ZFHX3: variants seen among roughly 807,000 people sequenced by gnomAD.
ZFHX3 encodes the protein zinc finger homeobox 3.
A neutral mutation model predicts 279.1 loss-of-function variants in ZFHX3; 42 were observed. That is an observed-to-expected ratio of 0.15 (90% CI 0.12 to 0.19). The LOEUF (loss-of-function observed/expected upper bound fraction) is 0.19. Among genes scored for constraint, ZFHX3 ranks in the 10% least tolerant of loss-of-function variants. ZFHX3 has a pLI of 1.00. For synonymous variants in ZFHX3, 2,293 were observed against 1,957.8 expected (o/e 1.17, Z -4.52); for missense variants, 4,981 against 4,754.0 (o/e 1.05, Z -1.40).
intron 2 of ZFHX3, among the ~76,000 whole-genome samples, chr16:73,641,321 G>A (rs1298167449): frequency 2.0e-5 from 3 of 152,080 alleles, no homozygotes; most frequent in South Asian, 2.1e-4. Context: ...TCAAGGTGAC[G>A]ACAAAGGAGT....
chr16:73,653,795 T>G (rs2052694621), intron 2 of ZFHX3, among the ~76,000 whole-genome samples: 1 of 150,790 alleles, frequency 6.6e-6, no homozygotes, highest in African/African-American at 2.5e-5. Context: ...TTGTAAAACA[T>G]TTAGTGATAA....
intron 7 of ZFHX3, among the ~76,000 whole-genome samples, chr16:73,117,881 A>G (rs1254993780): frequency 6.6e-6 from 1 of 152,220 alleles, no homozygotes; most frequent in Non-Finnish European, 1.5e-5. Context: ...ATGAACCAGG[A>G]AGTGAGCCCT....
intron 3 of ZFHX3, among the ~76,000 whole-genome samples, chr16:73,329,313 C>G (rs907304721): frequency 6.6e-6 from 1 of 152,174 alleles, no homozygotes; most frequent in Non-Finnish European, 1.5e-5. Context: ...AGGCAGTGGG[C>G]GGTGTTGAGG....
At chr16:72,997,491 C>T (rs1963340483) in intron 1 of ZFHX3, among the ~76,000 whole-genome samples, 1 of 152,200 alleles carries the variant, frequency 6.6e-6, no homozygotes, top group African/African-American at 2.4e-5. Context: ...ACTCAGTCTT[C>T]TCGCTACACA....
At chr16:72,790,744 T>C (rs1015252151) in intron 9 of ZFHX3, 1 of 151,892 alleles carries the variant, frequency 6.6e-6, no homozygotes, top group African/African-American at 2.4e-5. Context: ...CAAGACAGAG[T>C]AGATTATGAG....
intron 3 of ZFHX3, among the ~76,000 whole-genome samples, chr16:72,945,169 A>G (rs117409886): frequency 0.014 from 2,116 of 152,318 alleles, 24 homozygotes; most frequent in Non-Finnish European, 0.02. Flanking sequence ...ATAGGTGGGA[A>G]GCTTCTGGAA....
chr16:73,345,878 C>G (rs542352684), intron 3 of ZFHX3, among the ~76,000 whole-genome samples: 44 of 152,200 alleles, frequency 2.9e-4, no homozygotes, highest in Admixed American at 1.3e-4. Flanking sequence ...GCCCTGCTTC[C>G]CTAGGGCACA....
chr16:73,617,005 G>A (rs1452292820), intron 2 of ZFHX3, among the ~76,000 whole-genome samples: 1 of 152,184 alleles, frequency 6.6e-6, no homozygotes, highest in African/African-American at 2.4e-5. Context: ...TTTAAAAGAA[G>A]CCAAGCACTC....
chr16:73,076,254 T>C (rs1180164121), intron 8 of ZFHX3, among the ~76,000 whole-genome samples: 1 of 152,148 alleles, frequency 6.6e-6, no homozygotes, highest in Admixed American at 6.6e-5. Flanking sequence ...GATCAAGTGA[T>C]TGTAAAAGTA....
chr16:73,784,158 G>C (rs1284494498), intron 1 of ZFHX3, among the ~76,000 whole-genome samples: 1 of 152,086 alleles, frequency 6.6e-6, no homozygotes, highest in Non-Finnish European at 1.5e-5. Context: ...TAAGCATTTG[G>C]GCTGTGGAAT....
Position 72,785,609 on chromosome 16 carries a change from C to T in ZFHX3, c.*1555G>A, listed in dbSNP as rs1465411537. The T allele has an allele frequency of 2.0e-5, 3 of 152,392 alleles. No individual in the cohort carries two copies. The highest frequency in any genetic ancestry group is 2.9e-5 in the Non-Finnish European group (2 of 68,012). The allele number at this position is 152,392 out of a possible 1,614,324, so 9.4% of individuals were successfully genotyped here. ...CTGCATCAGCAGTGAAAGGGTGTGT[C>T]TTTGGATTTTATTTAAAGCATGAAA... On this transcript the variant is annotated 3_prime_UTR_variant, in exon 10 of 10. Coordinates refer to ENST00000268489, the MANE Select transcript of ZFHX3 (RefSeq NM_006885.4).
At chr16:73,641,041 C>A (rs2142156124) in intron 2 of ZFHX3, among the ~76,000 whole-genome samples, 1 of 152,214 alleles carries the variant, frequency 6.6e-6, no homozygotes, top group African/African-American at 2.4e-5. Flanking sequence ...CAGGGAAGTA[C>A]CTTAAACAAT....
At chr16:73,759,845 G>A (rs1368952193) in intron 1 of ZFHX3, among the ~76,000 whole-genome samples, 1 of 149,984 alleles carries the variant, frequency 6.7e-6, no homozygotes, top group Non-Finnish European at 1.5e-5. Context: ...GCTTACCAGA[G>A]CTAACTGATA....
intron 3 of ZFHX3, among the ~76,000 whole-genome samples, chr16:73,347,645 C>A (rs768049286): frequency 1.3e-5 from 2 of 152,056 alleles, no homozygotes; most frequent in East Asian, 3.9e-4. Context: ...AACACATTTG[C>A]GCTGAGAACT....
rs528081640 is a variant in ZFHX3, at chr16:73,337,750, A to G, written c.-1290-19414T>C. On this transcript the variant is annotated intron_variant, in intron 3 of 17. Transcript: ENST00000641206. ...TTTCTAGGTCCCCACTGTACTGGTC[A>G]CACCCTGGACCTTGTCATCACCAGC... is the stretch of plus-strand genomic sequence containing the variant. Among the ~76,000 whole-genome samples the G allele has an allele frequency of 2.2e-4, 34 of 151,888 alleles. No homozygotes were observed. The East Asian group carries it at 3.1e-3, about 14-fold the overall frequency.
intron 4 of ZFHX3, among the ~76,000 whole-genome samples, chr16:72,882,914 G>A (rs1391472582): frequency 1.3e-5 from 2 of 151,866 alleles, no homozygotes; most frequent in Non-Finnish European, 2.9e-5. Flanking sequence ...CAGTGAGGCT[G>A]GGCAGTCGCT....
At position 73,433,839 on chromosome 16, in the gene ZFHX3, G is replaced by A. The variant is rs549104858; in HGVS notation, c.-1291+22164C>T. On this transcript the variant is annotated intron_variant, in intron 3 of 17. Coordinates refer to the ZFHX3 transcript ENST00000641206. ...CTGGGTGAGCCGTGGCTTCCCGGCC[G>A]CCTGGGTGACTCCCAGGGCAGTGGC... 1.7e-4 allele frequency among the ~76,000 whole-genome samples: 26 copies of A among 152,302 alleles called. No homozygotes were observed. The East Asian group carries it at 1.7e-3, about 10-fold the overall frequency.
At chr16:73,604,986 G>C (rs1014708903) in intron 2 of ZFHX3, among the ~76,000 whole-genome samples, 1 of 152,012 alleles carries the variant, frequency 6.6e-6, no homozygotes, top group African/African-American at 2.4e-5. Context: ...GTGCCTAGCT[G>C]AATTCACCCT....
At chr16:73,885,033 ATCCCC>A (rs1187174615) in intron 1 of ZFHX3, among the ~76,000 whole-genome samples, 1 of 152,162 alleles carries the variant, frequency 6.6e-6, no homozygotes, top group Non-Finnish European at 1.5e-5. Flanking sequence ...AAACAGAGAC[ATCCCC>A]TTTCTTTCCC....
Sources: gnomAD v4.1 joint callset for allele counts (sites outside exome capture counted in the v4.1 genomes callset) on GRCh38, gnomAD v4.1.1 for gene constraint, MANE v1.5 for transcripts, NCBI Gene and HGNC (gene_info 2026-07-23, HGNC 2026-07-21) for gene names.